The following ZNF587B variants were observed in gnomAD, a reference collection of about 807,000 sequenced individuals.
ZNF587B encodes the protein zinc finger protein 587B.
In ZNF587B, 6 loss-of-function variants were observed where a neutral mutation model predicts 7.2. That is an observed-to-expected ratio of 0.83 (90% CI 0.46 to 1.65). ZNF587B has a LOEUF of 1.65. Among genes scored for constraint, ZNF587B ranks in the 40% most tolerant of loss-of-function variants. ZNF587B has a pLI of 0.01. For synonymous variants in ZNF587B, 274 were observed against 254.3 expected (o/e 1.08, Z -0.74); for missense variants, 749 against 761.0 (o/e 0.98, Z 0.19).
intron 1 of ZNF587B, among the ~76,000 whole-genome samples, chr19:57,835,989 G>T (rs1185173254): frequency 6.6e-6 from 1 of 151,644 alleles, no homozygotes; most frequent in Non-Finnish European, 1.5e-5. Context: ...GTTTTGCCTG[G>T]GTCCCTGGCG....
Position 57,844,122 on chromosome 19 carries a change from C to A in ZNF587B, c.*1546C>A. 3.5e-6 allele frequency: 1 copy of A among 288,630 alleles called. No individual in the cohort carries two copies. 17.9% of individuals were successfully genotyped at this position (288,630 alleles called of 1,614,324 possible). A position where few individuals can be genotyped will look rare whatever the true frequency, so the allele number is the denominator to read the frequency against. ...GATTTGTTGAGTAGCCTCAGCACTT[C>A]TTGCTTTTTCATTTCTTTCTGATAA... On this transcript the variant is annotated 3_prime_UTR_variant, in exon 3 of 3. Coordinates refer to ENST00000594901, the MANE Select transcript of ZNF587B (RefSeq NM_001376223.1).
Position 57,841,740 on chromosome 19 carries a change from T to C in ZNF587B, c.1066T>C (p.Cys356Arg). 1 of 1,608,220 alleles carries C rather than the reference T, an allele frequency of 6.2e-7. No homozygotes were observed. Among genetic ancestry groups the C allele is most frequent in the Non-Finnish European group, 8.5e-7 (1 of 1,177,468 alleles). ...RIHTGERPYK[C>R]GECEKSFSRK... ...TCACACTGGAGAGAGACCTTACAAGTGTGGAGAATGTGAGAAATCTTTTAG... is the reference window on the plus strand; with the variant it reads ...TCACACTGGAGAGAGACCTTACAAGCGTGGAGAATGTGAGAAATCTTTTAG... The change falls in exon 3 of 3, where the codon TGT becomes CGT. Residue 356 changes from cysteine to arginine, a missense_variant. This residue lies in a region of ZNF587B where 656 missense variants were observed against 596.5 expected (regional missense o/e 1.10). Transcript: ENST00000594901.
intron 1 of ZNF587B, among the ~76,000 whole-genome samples, chr19:57,837,475 G>A (rs980454181): frequency 2.7e-5 from 4 of 147,316 alleles, no homozygotes; most frequent in African/African-American, 1.0e-4. Flanking sequence ...TTGAGATGGA[G>A]TCTCGCTCTG....
rs1320242008 is a variant in ZNF587B, at chr19:57,843,581, TGGTTG to T, written c.*1007_*1011del. 189 of 933,804 alleles carry T rather than the reference TGGTTG, an allele frequency of 2.0e-4. 2 individuals carry two copies. Among genetic ancestry groups the T allele is most frequent in the African/African-American group, 1.8e-3 (79 of 43,232 alleles). 57.8% of individuals were successfully genotyped at this position (933,804 alleles called of 1,614,324 possible). Reference sequence around the variant, plus strand: ...TTTTTTGTTTGGTTGGTTGGTTGGTTGGTTGGTTGTTTTTTTTTGTTTTTTTTTTT... The same window carrying T: ...TTTTTTGTTTGGTTGGTTGGTTGGTTGTTGTTTTTTTTTGTTTTTTTTTTT... On this transcript the variant is annotated 3_prime_UTR_variant, in exon 3 of 3. Transcript: ENST00000594901.
At position 57,846,191 on chromosome 19, in the gene ZNF587B, A is replaced by T; in HGVS notation, c.*3615A>T. ...TTTGCTGTATGATGGAGTACTTTCCATTTTCTGGAATTTTCTGACTGATGT... is the reference window on the plus strand; with the variant it reads ...TTTGCTGTATGATGGAGTACTTTCCTTTTTCTGGAATTTTCTGACTGATGT... On this transcript the variant is annotated 3_prime_UTR_variant, in exon 3 of 3. Transcript: ENST00000594901. The T allele has an allele frequency of 6.6e-6, 1 of 151,774 alleles. No individual in the cohort carries two copies. The allele number at this position is 151,774 out of a possible 1,614,324, so 9.4% of individuals were successfully genotyped here. A position where few individuals can be genotyped will look rare whatever the true frequency, so the allele number is the denominator to read the frequency against.
Position 57,840,446 on chromosome 19 carries a change from A to G in ZNF587B, c.164-392A>G, listed in dbSNP as rs1376604899. 1.4e-4 allele frequency among the ~76,000 whole-genome samples: 21 copies of G among 152,240 alleles called. No homozygotes were observed. The East Asian group carries it at 3.3e-3, about 24-fold the overall frequency. ...CATAGAGATTTGTGTTAGCAAGTAT[A>G]TACGCTTTGTTACAAACTGTCCTCA... On this transcript the variant is annotated intron_variant, in intron 2 of 2. Coordinates refer to ENST00000594901, the MANE Select transcript of ZNF587B (RefSeq NM_001376223.1).
chr19:57,844,255 C>A lies in ZNF587B; in HGVS notation c.*1679C>A, dbSNP rs779454756. The A allele has an allele frequency of 2.3e-6, 1 of 429,104 alleles. No individual in the cohort carries two copies. The highest frequency in any genetic ancestry group is 1.6e-5 in the South Asian group (1 of 62,060). 26.6% of individuals were successfully genotyped at this position (429,104 alleles called of 1,614,324 possible). A position where few individuals can be genotyped will look rare whatever the true frequency, so the allele number is the denominator to read the frequency against. On this transcript the variant is annotated 3_prime_UTR_variant, in exon 3 of 3. Coordinates refer to ENST00000594901, the MANE Select transcript of ZNF587B (RefSeq NM_001376223.1). ...GTGGCTCATGCCTGTAATCCCAACACTTTGGGAGGCCGAGGTGGGTGGATC... is the reference window on the plus strand; with the variant it reads ...GTGGCTCATGCCTGTAATCCCAACAATTTGGGAGGCCGAGGTGGGTGGATC...
chr19:57,836,811 A>G (rs1243297185), intron 1 of ZNF587B, among the ~76,000 whole-genome samples: 3 of 152,106 alleles, frequency 2.0e-5, no homozygotes, highest in Admixed American at 6.6e-5. Flanking sequence ...TAAAAATACA[A>G]AAATTAACCA....
Position 57,837,410 on chromosome 19 carries a change from C to T in ZNF587B, c.37-1613C>T, listed in dbSNP as rs1988660316. On this transcript the variant is annotated intron_variant, in intron 1 of 2. Transcript: ENST00000594901. ...TAGCTGGGATCACAGGTGCCCACCA[C>T]CACGCTCAGCTAGTTTTTTTTTTGT... 2.0e-5 allele frequency among the ~76,000 whole-genome samples: 3 copies of T among 151,734 alleles called. No homozygotes were observed. The South Asian group carries it at 6.3e-4, about 32-fold the overall frequency.
chr19:57,836,945 A>T (rs1988632527), intron 1 of ZNF587B, among the ~76,000 whole-genome samples: 1 of 139,844 alleles, frequency 7.2e-6, no homozygotes, highest in African/African-American at 2.7e-5. Context: ...CCTGGGTGAC[A>T]GTGAGACTCC....
At position 57,830,445 on chromosome 19, in the gene ZNF587B, C is replaced by T; in HGVS notation, c.-84C>T. 6.7e-7 allele frequency: 1 copy of T among 1,482,636 alleles called. No individual in the cohort carries two copies. The highest frequency in any genetic ancestry group is 1.2e-5 in the South Asian group (1 of 82,514). 91.8% of individuals were successfully genotyped at this position (1,482,636 alleles called of 1,614,324 possible). On this transcript the variant is annotated 5_prime_UTR_variant, in exon 1 of 3. Coordinates refer to ENST00000594901, the MANE Select transcript of ZNF587B (RefSeq NM_001376223.1). ...TGACGGCGCCAAGCGTGACCCACCC[C>T]TGGGCCAGGATAGGGACCGTCATGC... is the stretch of plus-strand genomic sequence containing the variant.
At chr19:57,840,075 CAAAA>C (rs774635301) in intron 2 of ZNF587B, among the ~76,000 whole-genome samples, 8 of 81,110 alleles carry the variant, frequency 9.9e-5, no homozygotes, top group African/African-American at 3.1e-4. Flanking sequence ...ACTCTGTCTC[CAAAA>C]AAAAAAAAAA....
chr19:57,832,386 A>C (rs549831470), intron 1 of ZNF587B, among the ~76,000 whole-genome samples: 1 of 152,214 alleles, frequency 6.6e-6, no homozygotes, highest in Non-Finnish European at 1.5e-5. Context: ...TGCCCGGCCA[A>C]TTCTATTTAA....
rs1988900676 is a variant in ZNF587B at position 57,842,481 on chromosome 19, G to A, written c.1807G>A (p.Glu603Lys). The change falls in exon 3 of 3, where the codon GAA (glutamate) becomes AAA (lysine). Residue 603 changes from glutamate (E) to lysine (K), a missense_variant. By Grantham distance (56) the Glu-to-Lys change is moderately conservative (BLOSUM62 1). Coordinates refer to ENST00000594901, the MANE Select transcript of ZNF587B (RefSeq NM_001376223.1). The part of the protein sequence containing the change: ...LTNHRRVHTG[E>K]KPYGCSECEK... ...TAATCACAGGAGAGTTCACACTGGA[G>A]AAAAGCCTTATGGGTGTAGTGAATG... The A allele has an allele frequency of 6.3e-7, 1 of 1,593,542 alleles. No homozygotes were observed. Among genetic ancestry groups the A allele is most frequent in the African/African-American group, 1.4e-5 (1 of 73,892 alleles).
At position 57,843,643 on chromosome 19, in the gene ZNF587B, C is replaced by T. The variant is rs1371411959; in HGVS notation, c.*1067C>T. 1.3e-5 allele frequency: 11 copies of T among 821,398 alleles called. No homozygotes were observed. The highest frequency in any genetic ancestry group is 2.1e-5 in the African/African-American group (1 of 46,766). The allele number at this position is 821,398 out of a possible 1,614,324, so 50.9% of individuals were successfully genotyped here. A position where few individuals can be genotyped will look rare whatever the true frequency, so the allele number is the denominator to read the frequency against. ...TTTGGAGACAAAGTTTCACTGTCAC[C>T]GATACTGGAGTGCAGTGGTGTGATC... On this transcript the variant is annotated 3_prime_UTR_variant, in exon 3 of 3. Transcript: ENST00000594901.
chr19:57,837,114 G>C (rs531623013), intron 1 of ZNF587B, among the ~76,000 whole-genome samples: 4 of 152,108 alleles, frequency 2.6e-5, no homozygotes, highest in Admixed American at 2.6e-4. Flanking sequence ...GCATCCTCCT[G>C]AGGGAATCAG....
Position 57,842,872 on chromosome 19 carries a change from T to A in ZNF587B, c.*296T>A. 1 of 985,466 alleles carries A rather than the reference T, an allele frequency of 1.0e-6. No homozygotes were observed. The highest frequency in any genetic ancestry group is 1.2e-6 in the Non-Finnish European group (1 of 829,940). 61.0% of individuals were successfully genotyped at this position (985,466 alleles called of 1,614,324 possible). On this transcript the variant is annotated 3_prime_UTR_variant, in exon 3 of 3. Coordinates refer to ENST00000594901, the MANE Select transcript of ZNF587B (RefSeq NM_001376223.1). Reference sequence around the variant, plus strand: ...TCAAAACTCACAGGAGAGCTGTCACTACGGAAATGCCTTTTGAATGTAATG... The same window carrying A: ...TCAAAACTCACAGGAGAGCTGTCACAACGGAAATGCCTTTTGAATGTAATG...
At chr19:57,832,009 T>C (rs1431666102) in intron 1 of ZNF587B, among the ~76,000 whole-genome samples, 1 of 152,038 alleles carries the variant, frequency 6.6e-6, no homozygotes, top group Non-Finnish European at 1.5e-5. Context: ...CCTGGCTGTC[T>C]TTATTTTTTT....
chr19:57,841,888 C>G lies in ZNF587B; in HGVS notation c.1214C>G (p.Thr405Ser). The G allele has an allele frequency of 6.2e-7, 1 of 1,613,850 alleles. No homozygotes were observed. Among genetic ancestry groups the G allele is most frequent in the Middle Eastern group, 1.7e-4 (1 of 6,060 alleles). Residue 405 changes from threonine to serine, a missense_variant, in exon 3 of 3, where the codon ACT becomes AGT. Thr to Ser is a moderately conservative substitution (Grantham distance 58). Transcript: ENST00000594901. Reference sequence around the variant, plus strand: ...CTTAGGATCCATCAGCGCATGCACACTGGAGAAAGACCTTACAAGTGTGGA... The same window carrying G: ...CTTAGGATCCATCAGCGCATGCACAGTGGAGAAAGACCTTACAAGTGTGGA... ...GHLRIHQRMH[T>S]GERPYKCGDC...
Sources: allele counts gnomAD v4.1 joint callset (sites outside exome capture counted in the v4.1 genomes callset), GRCh38; gene constraint gnomAD v4.1.1; regional missense constraint gnomAD v4.1.1; transcripts MANE v1.5; gene names NCBI Gene and HGNC (gene_info 2026-07-23, HGNC 2026-07-21).